SORCS2: variants seen among roughly 807,000 people sequenced by gnomAD.
SORCS2 encodes the protein VPS10 domain-containing receptor SorCS2.
A neutral mutation model predicts 141.6 loss-of-function variants in SORCS2; 100 were observed. That is an observed-to-expected ratio of 0.71 (90% CI 0.60 to 0.83). The LOEUF is 0.83. Among genes scored for constraint, SORCS2 ranks in the 40% least tolerant of loss-of-function variants. The pLI is 0.00. For synonymous variants in SORCS2, 789 were observed against 676.9 expected (o/e 1.17, Z -2.57); for missense variants, 1,646 against 1,560.2 (o/e 1.05, Z -0.93).
chr4:7,319,952 G>A (rs1577394440), intron 1 of SORCS2, among the ~76,000 whole-genome samples: 1 of 152,114 alleles, frequency 6.6e-6, no homozygotes. Flanking sequence ...TGTTCTTACA[G>A]ATGGTTGAGT....
Position 7,270,481 on chromosome 4 carries a change from C to T in SORCS2, c.480+77355C>T, listed in dbSNP as rs144847752. 2.7e-4 allele frequency among the ~76,000 whole-genome samples: 41 copies of T among 152,348 alleles called. 1 individual carries two copies. Among genetic ancestry groups the T allele is most frequent in the Middle Eastern group, 3.4e-3 (1 of 294 alleles). On this transcript the variant is annotated intron_variant, in intron 1 of 26. Transcript: ENST00000507866. ...TGGCCTGGGGTCTGGTTCCCTCCAG[C>T]GCTTCCTCTGAGGGAGTTTGGTGGG...
intron 1 of SORCS2, among the ~76,000 whole-genome samples, chr4:7,313,505 G>A (rs577365594): frequency 1.3e-5 from 2 of 152,332 alleles, no homozygotes; most frequent in African/African-American, 4.8e-5. Flanking sequence ...TGGAGCGGAG[G>A]TCGGGGAGAG....
intron 1 of SORCS2, among the ~76,000 whole-genome samples, chr4:7,309,061 A>T (rs980587177): frequency 2.0e-5 from 3 of 152,108 alleles, no homozygotes; most frequent in African/African-American, 7.2e-5. Flanking sequence ...TGCACACTGG[A>T]CCGTGGTGCC....
chr4:7,342,545 T>C (rs962771567), intron 1 of SORCS2, among the ~76,000 whole-genome samples: 1 of 152,040 alleles, frequency 6.6e-6, no homozygotes, highest in Non-Finnish European at 1.5e-5. Flanking sequence ...GGCCAAGATG[T>C]GTCCTTTCAC....
At chr4:7,736,507 T>C (rs568291747) in intron 25 of SORCS2, among the ~76,000 whole-genome samples, 185 of 152,190 alleles carry the variant, frequency 1.2e-3, no homozygotes, top group Non-Finnish European at 2.2e-3. Context: ...TTGGACTAAG[T>C]GGGGTGTCGT....
intron 2 of SORCS2, among the ~76,000 whole-genome samples, chr4:7,529,614 T>C (rs1030201395): frequency 2.0e-5 from 3 of 152,196 alleles, no homozygotes; most frequent in East Asian, 1.9e-4. Flanking sequence ...GCGGGATCGA[T>C]AGGCAGGTCT....
intron 3 of SORCS2, among the ~76,000 whole-genome samples, chr4:7,556,483 A>G (rs1016921780): frequency 6.6e-6 from 1 of 152,276 alleles, no homozygotes; most frequent in Middle Eastern, 3.4e-3. Flanking sequence ...GACTGGTCCT[A>G]TCACTGGCAC....
intron 3 of SORCS2, among the ~76,000 whole-genome samples, chr4:7,595,998 G>A (rs534084165): frequency 5.7e-4 from 87 of 152,204 alleles, no homozygotes; most frequent in Non-Finnish European, 9.4e-4. Flanking sequence ...TTCCTGCCAC[G>A]GCAACCCGCG....
chr4:7,623,423 G>A (rs1001685277), intron 3 of SORCS2, among the ~76,000 whole-genome samples: 5 of 151,962 alleles, frequency 3.3e-5, no homozygotes, highest in African/African-American at 1.2e-4. Context: ...GCACTTTGCT[G>A]TCTGGTCCTC....
intron 3 of SORCS2, among the ~76,000 whole-genome samples, chr4:7,636,730 C>T (rs57867794): frequency 0.13 from 19,213 of 151,968 alleles, 1,481 homozygotes; most frequent in East Asian, 0.23. Context: ...CCTCACGCCT[C>T]CCTAGAGACC....
intron 3 of SORCS2, among the ~76,000 whole-genome samples, chr4:7,636,051 T>C (rs763082019): frequency 2.0e-5 from 3 of 152,348 alleles, no homozygotes; most frequent in East Asian, 3.9e-4. Context: ...GCCACCATAG[T>C]CGCCTCGTGC....
intron 19 of SORCS2, among the ~76,000 whole-genome samples, chr4:7,724,115 A>ATGGTGG (rs757064728): frequency 5.5e-5 from 8 of 145,218 alleles, no homozygotes; most frequent in African/African-American, 1.9e-4. Flanking sequence ...AGTGGTGGTG[A>ATGGTGG]TGGTGGTGGT....
At chr4:7,268,860 T>G (rs1714922994) in intron 1 of SORCS2, among the ~76,000 whole-genome samples, 1 of 149,532 alleles carries the variant, frequency 6.7e-6, no homozygotes, top group South Asian at 2.1e-4. Flanking sequence ...TTAGGGTGAG[T>G]GAGATGCCAC....
intron 18 of SORCS2, among the ~76,000 whole-genome samples, chr4:7,718,477 G>A (rs1726355368): frequency 2.0e-5 from 3 of 152,192 alleles, no homozygotes; most frequent in Non-Finnish European, 4.4e-5. Flanking sequence ...GGTGGGGGAG[G>A]GTGTAGTTAC....
rs183219048 is a variant in SORCS2, at chr4:7,641,562, T to G, written c.813+3070T>G. 9.1e-4 allele frequency among the ~76,000 whole-genome samples: 139 copies of G among 152,246 alleles called. 2 individuals are homozygous for G. In the East Asian group the frequency reaches 0.015, roughly 16 times the overall value. ...GGTAACTCTATCTTTGTGAAGTCATTTGATTATTGTCTACACCCAATACAT... is the reference window on the plus strand; with the variant it reads ...GGTAACTCTATCTTTGTGAAGTCATGTGATTATTGTCTACACCCAATACAT... On this transcript the variant is annotated intron_variant, in intron 4 of 26. Transcript: ENST00000507866.
In SORCS2 at chr4:7,434,906, A is replaced by G. The variant is rs926460119; in HGVS notation, c.548+38551A>G. 11 of 1,504,528 alleles carry G rather than the reference A, an allele frequency of 7.3e-6. No individual in the cohort carries two copies. In the Admixed American group the frequency reaches 1.4e-4, roughly 19 times the overall value. 93.2% of individuals were successfully genotyped at this position (1,504,528 alleles called of 1,614,324 possible). A position where few individuals can be genotyped will look rare whatever the true frequency, so the allele number is the denominator to read the frequency against. ...CTGCCCAGGGACTCTCTGGCTCCAG[A>G]GTACCCAGCAGTGGCTGCTGCTATA... On this transcript the variant is annotated intron_variant, in intron 2 of 26. Transcript: ENST00000507866.
At chr4:7,260,087 T>C (rs1043447619) in intron 1 of SORCS2, among the ~76,000 whole-genome samples, 2 of 152,212 alleles carry the variant, frequency 1.3e-5, no homozygotes, top group African/African-American at 2.4e-5. Flanking sequence ...AAAGGCAGAA[T>C]AGAGACACCT....
intron 1 of SORCS2, among the ~76,000 whole-genome samples, chr4:7,303,646 G>C (rs1034407850): frequency 6.6e-6 from 1 of 152,248 alleles, no homozygotes; most frequent in African/African-American, 2.4e-5. Context: ...ATATGGTGCT[G>C]AGTGTCAGGG....
At chr4:7,585,325 C>T (rs774889452) in intron 3 of SORCS2, among the ~76,000 whole-genome samples, 10 of 152,158 alleles carry the variant, frequency 6.6e-5, no homozygotes, top group Non-Finnish European at 2.9e-5. Context: ...CAAAACCCGC[C>T]GGACTTCCAA....
Sources: allele counts gnomAD v4.1 joint callset (sites outside exome capture counted in the v4.1 genomes callset), GRCh38; gene constraint gnomAD v4.1.1; transcripts MANE v1.5; gene names NCBI Gene and HGNC (gene_info 2026-07-23, HGNC 2026-07-21).